DLEU7: variants seen among roughly 807,000 people sequenced by gnomAD.
DLEU7 encodes the protein leukemia-associated protein 7.
Under a neutral mutation model 16.0 loss-of-function variants are expected in DLEU7, and 17 were observed. The ratio of observed to expected loss-of-function variants is 1.06; its 90% CI spans 0.73 to 1.59. DLEU7 has a LOEUF of 1.59. Among genes scored for constraint, DLEU7 ranks in the 40% most tolerant of loss-of-function variants. The pLI is 0.00. For synonymous variants in DLEU7, 113 were observed against 139.8 expected, an observed-to-expected ratio of 0.81 and a Z score of 1.35; for missense variants, 308 against 314.9, an observed-to-expected ratio of 0.98 and a Z score of 0.17.
Position 50,843,674 on chromosome 13 carries a change from C to A in DLEU7, c.-28G>T. The A allele has an allele frequency of 6.7e-7, 1 of 1,498,574 alleles. No homozygotes were observed. The highest frequency in any genetic ancestry group is 8.8e-7 in the Non-Finnish European group (1 of 1,131,718). 92.8% of individuals were successfully genotyped at this position (1,498,574 alleles called of 1,614,324 possible). A position where few individuals can be genotyped will look rare whatever the true frequency, so the allele number is the denominator to read the frequency against. On this transcript the variant is annotated 5_prime_UTR_variant, in exon 1 of 2. Transcript: ENST00000504404. This position sits in a 1 kb window ranked among gnomAD's most constrained non-coding sequence, Gnocchi z 5.7. ...CCTCCGCTGGCGGCCCGGCGCGCTC[C>A]GCGTGCAGGTGGAGCAGCAGCGAGG...
intron 1 of DLEU7, among the ~76,000 whole-genome samples, chr13:50,807,511 T>A (rs1876428812): frequency 1.3e-5 from 2 of 152,050 alleles, no homozygotes; most frequent in South Asian, 4.1e-4. Context: ...TTGGTGTTTT[T>A]TTTTTTAAGG....
chr13:50,831,494 G>C (rs1365786635), intron 1 of DLEU7, among the ~76,000 whole-genome samples: 1 of 152,192 alleles, frequency 6.6e-6, no homozygotes, highest in Admixed American at 6.5e-5. Flanking sequence ...CTGGGTCAGG[G>C]AGAAGGAGAA....
chr13:50,765,982 G>C (rs1341187326), intron 1 of DLEU7, among the ~76,000 whole-genome samples: 1 of 152,090 alleles, frequency 6.6e-6, no homozygotes, highest in Non-Finnish European at 1.5e-5. Context: ...ATTAGCTTTT[G>C]GACTTTTTCA....
rs537639298 is a variant in DLEU7 at position 50,804,862 on chromosome 13, A to G, written c.459+38326T>C. Among the ~76,000 whole-genome samples, 10 of 146,572 alleles carry G rather than the reference A, an allele frequency of 6.8e-5. No homozygotes were observed. The East Asian group carries it at 2.0e-3, about 29-fold the overall frequency. On this transcript the variant is annotated intron_variant, in intron 1 of 1. Transcript: ENST00000400393. The stretch of plus-strand genomic sequence containing the variant: ...TATTATGCCTTTTTTATTTTAATAT[A>G]GGAAGGATGATGATTGTATATATTT...
At chr13:50,767,455 C>CAAAAAAAAAAAAAAA (rs35091007) in intron 1 of DLEU7, among the ~76,000 whole-genome samples, 3 of 64,482 alleles carry the variant, frequency 4.7e-5, no homozygotes, top group African/African-American at 1.8e-4. Context: ...GACTCCGTCT[C>CAAAAAAAAAAAAAAA]AAAAAAAAAA....
chr13:50,737,327 GA>G (rs1442223763), intron 1 of DLEU7, among the ~76,000 whole-genome samples: 1 of 152,134 alleles, frequency 6.6e-6, no homozygotes, highest in Non-Finnish European at 1.5e-5. Flanking sequence ...TTTAACATTT[GA>G]AATTTAACCT....
rs142373091 is a variant in DLEU7 at position 50,772,178 on chromosome 13, C to T, written c.460-58938G>A. Among the ~76,000 whole-genome samples, 1,087 of 152,216 alleles carry T rather than the reference C, an allele frequency of 7.1e-3. 14 individuals carry two copies. Among genetic ancestry groups the T allele is most frequent in the African/African-American group, 0.025 (1,031 of 41,538 alleles). On this transcript the variant is annotated intron_variant, in intron 1 of 1. Coordinates refer to the DLEU7 transcript ENST00000400393. ...GTGTGTCTCTGCACATGAGATGGGT[C>T]TCCTAAATACAGCACACTGATGGGT...
chr13:50,795,565 T>C (rs1876088866), intron 1 of DLEU7, among the ~76,000 whole-genome samples: 1 of 152,206 alleles, frequency 6.6e-6, no homozygotes, highest in Non-Finnish European at 1.5e-5. Context: ...ATGACATTTA[T>C]CCTGTTTTTC....
At chr13:50,763,902 G>A (rs1011461165) in intron 1 of DLEU7, among the ~76,000 whole-genome samples, 2 of 152,196 alleles carry the variant, frequency 1.3e-5, no homozygotes, top group African/African-American at 4.8e-5. Flanking sequence ...GTGAGACAGT[G>A]TCTGTGAAAA....
At chr13:50,814,710 CATGAAAACTG>C (rs1379289629) in intron 1 of DLEU7, among the ~76,000 whole-genome samples, 7 of 148,316 alleles carry the variant, frequency 4.7e-5, no homozygotes, top group Non-Finnish European at 9.0e-5. Context: ...CACACACTCG[CATGAAAACTG>C]ATGAAAACAG....
intron 1 of DLEU7, among the ~76,000 whole-genome samples, chr13:50,792,455 T>C (rs1228038655): frequency 6.6e-6 from 1 of 152,136 alleles, no homozygotes; most frequent in Non-Finnish European, 1.5e-5. Context: ...TTCCCTAAAA[T>C]GTCCAGCACC....
chr13:50,780,885 C>T (rs1012408481), intron 1 of DLEU7, among the ~76,000 whole-genome samples: 2 of 152,118 alleles, frequency 1.3e-5, no homozygotes, highest in Non-Finnish European at 2.9e-5. Flanking sequence ...TTCCTGTCTC[C>T]GCTCGTTTCC....
intron 1 of DLEU7, among the ~76,000 whole-genome samples, chr13:50,838,918 G>C (rs1272500498): frequency 6.6e-6 from 1 of 152,222 alleles, no homozygotes; most frequent in Non-Finnish European, 1.5e-5. Context: ...CTGCAAGCCA[G>C]GAAGGAAGCT....
intron 1 of DLEU7, among the ~76,000 whole-genome samples, chr13:50,739,854 A>G (rs763687832): frequency 2.6e-5 from 4 of 152,162 alleles, no homozygotes; most frequent in Admixed American, 2.0e-4. Context: ...GCTTAGATAC[A>G]TAATGACACT....
At chr13:50,774,571 A>G (rs1003509217) in intron 1 of DLEU7, among the ~76,000 whole-genome samples, 1 of 152,160 alleles carries the variant, frequency 6.6e-6, no homozygotes, top group African/African-American at 2.4e-5. Context: ...ACAGTTAGTT[A>G]TATTTTTAGT....
At chr13:50,711,835 A>G (rs1272327994), downstream of DLEU7, 1 of 149,548 alleles carries the variant, frequency 6.7e-6, no homozygotes, top group Admixed American at 6.7e-5. Context: ...CATCAGAATC[A>G]AATCAGAGCC....
At chr13:50,783,697 T>TA (rs1875718813) in intron 1 of DLEU7, among the ~76,000 whole-genome samples, 1 of 152,094 alleles carries the variant, frequency 6.6e-6, no homozygotes, top group Non-Finnish European at 1.5e-5. Context: ...AGCAGGAATG[T>TA]AAAACATAAA....
At chr13:50,741,245 C>T (rs1874243057) in intron 1 of DLEU7, among the ~76,000 whole-genome samples, 1 of 152,120 alleles carries the variant, frequency 6.6e-6, no homozygotes, top group South Asian at 2.1e-4. Flanking sequence ...TCTCAGTTCC[C>T]CTAAATTATT....
At chr13:50,736,343 G>A (rs1330250455) in intron 1 of DLEU7, among the ~76,000 whole-genome samples, 1 of 152,066 alleles carries the variant, frequency 6.6e-6, no homozygotes, top group Non-Finnish European at 1.5e-5. Flanking sequence ...AGACACTGGG[G>A]CCTACTTGAG....
Sources: allele counts gnomAD v4.1 joint callset (sites outside exome capture counted in the v4.1 genomes callset), GRCh38; gene constraint gnomAD v4.1.1; non-coding constraint Gnocchi (gnomAD v3.1); transcripts MANE v1.5; gene names NCBI Gene and HGNC (gene_info 2026-07-23, HGNC 2026-07-21).